The following MDGA2 variants were observed in gnomAD, a reference collection of about 807,000 sequenced individuals.
The protein encoded by MDGA2 is MAM domain-containing glycosylphosphatidylinositol anchor protein 2.
MDGA2 carries 40 observed loss-of-function variants against 117.8 expected under a neutral mutation model. The observed-to-expected ratio is 0.34, with a 90% CI of 0.26 to 0.44. The LOEUF (loss-of-function observed/expected upper bound fraction) is 0.44, where lower values mean the gene tolerates loss of function less well. MDGA2 is among the 20% of genes least tolerant of loss of function. MDGA2 has a pLI of 1.00. For synonymous variants in MDGA2, 452 were observed against 439.0 expected (o/e 1.03, Z -0.37); for missense variants, 1,123 against 1,250.6 (o/e 0.90, Z 1.54).
At chr14:47,399,648 C>T (rs979755876) in intron 1 of MDGA2, among the ~76,000 whole-genome samples, 6 of 149,114 alleles carry the variant, frequency 4.0e-5, no homozygotes, top group African/African-American at 9.8e-5. Context: ...TGAATAAATG[C>T]GTATAAGAAT....
chr14:47,432,200 G>C (rs1566453742), intron 1 of MDGA2, among the ~76,000 whole-genome samples: 1 of 151,930 alleles, frequency 6.6e-6, no homozygotes, highest in South Asian at 2.1e-4. Context: ...TCTTAGTTTT[G>C]TGGTTAAAAA....
intron 9 of MDGA2, among the ~76,000 whole-genome samples, chr14:46,930,844 C>T (rs995294348): frequency 2.0e-5 from 3 of 152,068 alleles, no homozygotes; most frequent in Non-Finnish European, 4.4e-5. Context: ...TGGCAAATAT[C>T]TCTTCTTCAT....
At chr14:47,499,871 A>G (rs1184772539) in intron 1 of MDGA2, among the ~76,000 whole-genome samples, 2 of 152,090 alleles carry the variant, frequency 1.3e-5, no homozygotes, top group African/African-American at 4.8e-5. Context: ...GCATTCTCTC[A>G]TTTTGTGTCC....
intron 8 of MDGA2, among the ~76,000 whole-genome samples, chr14:46,998,887 G>T (rs572716987): frequency 6.6e-6 from 1 of 152,036 alleles, no homozygotes. Flanking sequence ...CCCTTGCTCT[G>T]TTTTTCCTAT....
intron 3 of MDGA2, among the ~76,000 whole-genome samples, chr14:47,185,265 G>T (rs1884864759): frequency 6.6e-6 from 1 of 151,262 alleles, no homozygotes; most frequent in Admixed American, 6.6e-5. Flanking sequence ...TATAAAGTGT[G>T]TCATTACTTT....
chr14:46,877,006 T>A (rs1444779040), intron 12 of MDGA2, among the ~76,000 whole-genome samples: 1 of 151,614 alleles, frequency 6.6e-6, no homozygotes, highest in Non-Finnish European at 1.5e-5. Flanking sequence ...ATAGAATTCA[T>A]AACCTAAATT....
intron 1 of MDGA2, among the ~76,000 whole-genome samples, chr14:47,669,130 G>A (rs930242481): frequency 2.0e-5 from 3 of 152,152 alleles, no homozygotes; most frequent in Admixed American, 1.3e-4. Flanking sequence ...TTTTAAAGAA[G>A]TACAGAGCAC....
At position 47,192,504 on chromosome 14, in the gene MDGA2, A is replaced by G. The variant is rs574857239; in HGVS notation, c.595+25517T>C. Reference sequence around the variant, plus strand: ...GTGGCACGTAGCTGTAGTCCCAGCTACTTGGGAGGCTGAGGCATGGAAATT... The same window carrying G: ...GTGGCACGTAGCTGTAGTCCCAGCTGCTTGGGAGGCTGAGGCATGGAAATT... On this transcript the variant is annotated intron_variant, in intron 3 of 16. Transcript: ENST00000399232. Among the ~76,000 whole-genome samples, 276 of 152,158 alleles carry G rather than the reference A, an allele frequency of 1.8e-3. 1 individual carries two copies. Among genetic ancestry groups the G allele is most frequent in the African/African-American group, 6.1e-3 (253 of 41,524 alleles).
chr14:46,901,090 GATAC>G (rs765845610), intron 10 of MDGA2, among the ~76,000 whole-genome samples: 5 of 147,836 alleles, frequency 3.4e-5, no homozygotes, highest in African/African-American at 5.0e-5. Context: ...GTGAGAAAAA[GATAC>G]ACAAATGACA....
rs1882236559 is a variant in MDGA2, at chr14:46,876,538, T to C, written c.2437+951A>G. On this transcript the variant is annotated intron_variant, in intron 12 of 16. Coordinates refer to ENST00000399232, the MANE Select transcript of MDGA2 (RefSeq NM_001113498.3). ...CTGAGAATCAAGTGGATCTTGAATT[T>C]TCCACTGGTTTTCTAATTACAACAT... Among the ~76,000 whole-genome samples, 3 of 151,728 alleles carry C rather than the reference T, an allele frequency of 2.0e-5. No individual in the cohort carries two copies. The South Asian group carries it at 6.2e-4, about 31-fold the overall frequency.
chr14:47,622,468 G>A (rs1897067016), intron 1 of MDGA2, among the ~76,000 whole-genome samples: 1 of 152,324 alleles, frequency 6.6e-6, no homozygotes, highest in South Asian at 2.1e-4. Flanking sequence ...ATTTTCCTCA[G>A]GTTGTAACCT....
intron 1 of MDGA2, among the ~76,000 whole-genome samples, chr14:47,333,732 T>C (rs999432515): frequency 1.4e-5 from 2 of 143,296 alleles, no homozygotes; most frequent in Admixed American, 6.8e-5. Flanking sequence ...TAAGTCATCA[T>C]TTAATAAAAT....
At chr14:46,908,035 C>T (rs1345807273) in intron 10 of MDGA2, among the ~76,000 whole-genome samples, 1 of 152,074 alleles carries the variant, frequency 6.6e-6, no homozygotes, top group African/African-American at 2.4e-5. Context: ...TAAGTCCCCA[C>T]GAAGAGACAA....
At chr14:47,517,420 T>C (rs1334659157) in intron 1 of MDGA2, among the ~76,000 whole-genome samples, 35 of 152,116 alleles carry the variant, frequency 2.3e-4, no homozygotes, top group Admixed American at 2.3e-3. Flanking sequence ...AAAGGATATT[T>C]ACAGCAAAAT....
chr14:47,589,219 T>C (rs1461583254), intron 1 of MDGA2, among the ~76,000 whole-genome samples: 1 of 151,996 alleles, frequency 6.6e-6, no homozygotes, highest in Non-Finnish European at 1.5e-5. Flanking sequence ...CTTTTGTCAC[T>C]TATGCTTTTG....
chr14:47,006,471 T>G (rs1167455664), intron 8 of MDGA2, among the ~76,000 whole-genome samples: 1 of 148,392 alleles, frequency 6.7e-6, no homozygotes, highest in Admixed American at 6.8e-5. Flanking sequence ...ATATATAAAA[T>G]ATCATTAATA....
chr14:47,242,872 G>T (rs544088883), intron 2 of MDGA2, among the ~76,000 whole-genome samples: 1 of 151,958 alleles, frequency 6.6e-6, no homozygotes, highest in East Asian at 1.9e-4. Context: ...TGCAGCCCCG[G>T]TGTGGGATCC....
chr14:47,524,776 G>A (rs1594899296), intron 1 of MDGA2, among the ~76,000 whole-genome samples: 1 of 152,092 alleles, frequency 6.6e-6, no homozygotes, highest in Non-Finnish European at 1.5e-5. Context: ...TATGCCTCTT[G>A]GTAGCTCCAA....
chr14:46,997,235 A>C (rs1027924819), intron 8 of MDGA2: 1 of 158,228 alleles, frequency 6.3e-6, no homozygotes, highest in Non-Finnish European at 1.4e-5. Flanking sequence ...ATCTGTTTTC[A>C]GAATCCATTG....
Sources: gnomAD v4.1 joint callset for allele counts (sites outside exome capture counted in the v4.1 genomes callset) on GRCh38, gnomAD v4.1.1 for gene constraint, MANE v1.5 for transcripts, NCBI Gene and HGNC (gene_info 2026-07-23, HGNC 2026-07-21) for gene names.